CDCA7L: variants seen among roughly 807,000 people sequenced by gnomAD.
CDCA7L encodes the protein cell division cycle associated 7 like, also known as cell division cycle-associated 7-like protein.
CDCA7L carries 44 observed loss-of-function variants against 57.4 expected under a neutral mutation model. The observed-to-expected ratio is 0.77, with a 90% CI of 0.60 to 0.98. CDCA7L has a LOEUF of 0.98. Among genes scored for constraint, CDCA7L ranks in the 50% least tolerant of loss-of-function variants. CDCA7L has a pLI of 0.00. For missense variants in CDCA7L, 644 were observed against 580.6 expected, an observed-to-expected ratio of 1.11 and a Z score of -1.12; for synonymous variants, 236 against 202.8, an observed-to-expected ratio of 1.16 and a Z score of -1.39.
chr7:21,909,495 T>C (rs1236339033), intron 3 of CDCA7L, among the ~76,000 whole-genome samples: 1 of 152,010 alleles, frequency 6.6e-6, no homozygotes, highest in African/African-American at 2.4e-5. Context: ...CAAACTCTCG[T>C]TGGACTAAAG....
intron 1 of CDCA7L, among the ~76,000 whole-genome samples, chr7:21,930,281 C>A (rs1419312907): frequency 6.6e-6 from 1 of 152,108 alleles, no homozygotes; most frequent in African/African-American, 2.4e-5. Context: ...AGAACAAAGA[C>A]AACATACCAG....
intron 1 of CDCA7L, among the ~76,000 whole-genome samples, chr7:21,918,327 C>G (rs1231578271): frequency 1.3e-5 from 2 of 152,212 alleles, no homozygotes; most frequent in Admixed American, 1.3e-4. Flanking sequence ...CGACCCAACT[C>G]CCCTTCTTCT....
intron 3 of CDCA7L, among the ~76,000 whole-genome samples, chr7:21,910,945 A>AAGAAAG (rs1018832306): frequency 2.0e-5 from 3 of 151,332 alleles, no homozygotes; most frequent in Non-Finnish European, 2.9e-5. Context: ...AAAGTATCTC[A>AAGAAAG]AGAAAGTTGT....
chr7:21,902,900 A>T, intron 9 of CDCA7L, 78 bp downstream of exon 9: 1 of 1,398,376 alleles, frequency 7.2e-7, no homozygotes, highest in South Asian at 1.3e-5. Flanking sequence ...GGAAGGCAAC[A>T]ACTACTTGCC....
At position 21,901,208 on chromosome 7, in the gene CDCA7L, CTGCAAAA is replaced by C; in HGVS notation, c.*1107_*1113del. The C allele has an allele frequency of 1.2e-6, 2 of 1,613,876 alleles. No homozygotes were observed. The highest frequency in any genetic ancestry group is 1.7e-6 in the Non-Finnish European group (2 of 1,179,804). Reference sequence around the variant, plus strand: ...TTCAGGCTGAAGAGCGAAGAGAAGACTGCAAAATGGGTTCTGGCTGGAGTGGCTCTGC... The same window carrying C: ...TTCAGGCTGAAGAGCGAAGAGAAGACTGGGTTCTGGCTGGAGTGGCTCTGC... On this transcript the variant is annotated 3_prime_UTR_variant, in exon 10 of 10. Transcript: ENST00000406877.
In CDCA7L at chr7:21,908,315, A is replaced by G. The variant is rs1384743999; in HGVS notation, c.496T>C (p.Leu166=). 6.2e-7 allele frequency: 1 copy of G among 1,608,636 alleles called. No homozygotes were observed. The highest frequency in any genetic ancestry group is 2.2e-5 in the East Asian group (1 of 44,784). The change falls in exon 4 of 10, where the codon TTG becomes CTG. Residue 166 remains leucine (L), a synonymous_variant. Transcript: ENST00000406877. ...KPDKNSSSEQ[L]FSSARLQNEK... ...TTCTGTAAGCGTGCGCTAGAAAACA[A>G]CTGCTCGGAAGAACTGTTTTTATCT...
chr7:21,923,013 A>G (rs1370274504), intron 1 of CDCA7L, among the ~76,000 whole-genome samples: 1 of 152,172 alleles, frequency 6.6e-6, no homozygotes, highest in African/African-American at 2.4e-5. Context: ...TGCTGAGGGG[A>G]GGGAGAAACG....
chr7:21,909,096 G>A (rs996928413), intron 3 of CDCA7L, among the ~76,000 whole-genome samples: 15 of 152,164 alleles, frequency 9.9e-5, no homozygotes, highest in Non-Finnish European at 1.6e-4. Context: ...AGGTCACAAA[G>A]CTCTACAGGT....
At chr7:21,943,299 G>A (rs1255834288) in intron 1 of CDCA7L, among the ~76,000 whole-genome samples, 1 of 152,246 alleles carries the variant, frequency 6.6e-6, no homozygotes, top group Admixed American at 6.5e-5. Flanking sequence ...AAGTAGTTCA[G>A]AGTAAATGAG....
chr7:21,931,781 T>C (rs1786025911), intron 1 of CDCA7L, among the ~76,000 whole-genome samples: 1 of 152,210 alleles, frequency 6.6e-6, no homozygotes, highest in African/African-American at 2.4e-5. Flanking sequence ...TCCGTGAGCA[T>C]GGAATATTTT....
In CDCA7L at chr7:21,906,352, G is replaced by A. The variant is rs1270387941; in HGVS notation, c.858C>T (p.Phe286=). 3.1e-6 allele frequency: 5 copies of A among 1,613,344 alleles called. No homozygotes were observed. The highest frequency in any genetic ancestry group is 1.3e-5 in the African/African-American group (1 of 74,870). The change falls in exon 6 of 10, where the codon TTC becomes TTT. Residue 286 remains phenylalanine (F), a synonymous_variant. Transcript: ENST00000406877. ...CCGCAAATTTAGCGGCTGAGACAGT[G>A]AAGTTCTCTAGAGCAAACTTCTCAG... ...RPPEKFALEN[F]TVSAAKFAEE...
At chr7:21,907,992 A>T in intron 4 of CDCA7L, 138 bp downstream of exon 4, 1 of 867,968 alleles carries the variant, frequency 1.2e-6, no homozygotes, top group Non-Finnish European at 1.7e-6. Flanking sequence ...GTAAAAGGAT[A>T]CACAATACCC....
rs1163051040 is a variant in CDCA7L, at chr7:21,905,569, G to A, written c.984C>T (p.Ile328=). The A allele has an allele frequency of 4.3e-6, 7 of 1,613,814 alleles. No homozygotes were observed. In the African/African-American group the frequency reaches 8.0e-5, roughly 18 times the overall value. Residue 328 remains isoleucine (I), a synonymous_variant, in exon 7 of 10, where the codon ATC becomes ATT. Coordinates refer to ENST00000406877, the MANE Select transcript of CDCA7L (RefSeq NM_018719.5). Reference sequence around the variant, plus strand: ...CAACATTTTCTAAGTCCTCTTCGGTGATATCCTCCACTGGCCGAAAAGAAG... The same window carrying A: ...CAACATTTTCTAAGTCCTCTTCGGTAATATCCTCCACTGGCCGAAAAGAAG... ...RISSFRPVED[I]TEEDLENVAI...
Position 21,906,594 on chromosome 7 carries a change from G to T in CDCA7L, c.727C>A (p.Pro243Thr), listed in dbSNP as rs1785149856. The change falls in exon 5 of 10, where the codon CCA (proline) becomes ACA (threonine). Residue 243 changes from proline to threonine, a missense_variant. Physicochemically the swap from Pro to Thr is conservative, Grantham distance 38. Coordinates refer to ENST00000406877, the MANE Select transcript of CDCA7L (RefSeq NM_018719.5). ...GAAGCTGAGGTTGGGGTTCGTACTG[G>T]GAAGAAATCTGGCATCGAGTTCAAT... ...AELNSMPDFF[P>T]VRTPTSASRK... 2 of 1,613,942 alleles carry T rather than the reference G, an allele frequency of 1.2e-6. No homozygotes were observed. Among genetic ancestry groups the T allele is most frequent in the Non-Finnish European group, 1.7e-6 (2 of 1,180,024 alleles).
At chr7:21,920,425 A>T (rs1402910802) in intron 1 of CDCA7L, among the ~76,000 whole-genome samples, 3 of 152,186 alleles carry the variant, frequency 2.0e-5, no homozygotes, top group African/African-American at 7.2e-5. Flanking sequence ...TCCTTATTTT[A>T]ATGCTTCTTG....
At chr7:21,930,881 C>G (rs111373223) in intron 1 of CDCA7L, among the ~76,000 whole-genome samples, 1 of 151,236 alleles carries the variant, frequency 6.6e-6, no homozygotes. Context: ...CAAAATAGAC[C>G]GCTAGCCAGA....
Position 21,901,480 on chromosome 7 carries a change from A to C in CDCA7L, c.*842T>G. On this transcript the variant is annotated 3_prime_UTR_variant, in exon 10 of 10. Transcript: ENST00000406877. ...ATCCCAGTTACTCAGGAGGTAGGAGAATCACTTGAACCTAGGAGGCAAAGG... is the reference window on the plus strand; with the variant it reads ...ATCCCAGTTACTCAGGAGGTAGGAGCATCACTTGAACCTAGGAGGCAAAGG... 1 of 474,194 alleles carries C rather than the reference A, an allele frequency of 2.1e-6. No individual in the cohort carries two copies. Among genetic ancestry groups the C allele is most frequent in the South Asian group, 7.2e-5 (1 of 13,894 alleles). The allele number at this position is 474,194 out of a possible 1,614,324, so 29.4% of individuals were successfully genotyped here.
rs1784826031 is a variant in CDCA7L, at chr7:21,901,315, CTGCACTGTTCCCATGCACATTA to C, written c.*985_*1006del. ...GCAGTGAGGATTTTCTAGCATGTTG[CTGCACTGTTCCCATGCACATTA>C]TTCTAACTTTTTAGTAACTCACACG... On this transcript the variant is annotated 3_prime_UTR_variant, in exon 10 of 10. Transcript: ENST00000406877. 6.6e-7 allele frequency: 1 copy of C among 1,513,872 alleles called. No homozygotes were observed. The highest frequency in any genetic ancestry group is 1.4e-5 in the African/African-American group (1 of 71,988). 93.8% of individuals were successfully genotyped at this position (1,513,872 alleles called of 1,614,324 possible).
At chr7:21,920,238 G>A (rs1785609392) in intron 1 of CDCA7L, among the ~76,000 whole-genome samples, 3 of 152,144 alleles carry the variant, frequency 2.0e-5, no homozygotes, top group South Asian at 4.1e-4. Flanking sequence ...TCATGGACCC[G>A]TGAAAGGGTC....
Sources: allele counts gnomAD v4.1 joint callset (sites outside exome capture counted in the v4.1 genomes callset), GRCh38; gene constraint gnomAD v4.1.1; transcripts MANE v1.5; gene names NCBI Gene and HGNC (gene_info 2026-07-23, HGNC 2026-07-21).